Variants in KCNH5 observed in about 807,000 individuals in gnomAD.
KCNH5 encodes the protein voltage-gated delayed rectifier potassium channel KCNH5.
In KCNH5, 46 loss-of-function variants were observed where a neutral mutation model predicts 96.1. That is an observed-to-expected ratio of 0.48 (90% CI 0.38 to 0.61). KCNH5 has a LOEUF of 0.61. Ranked by LOEUF, KCNH5 falls within the 20% of genes least tolerant of loss-of-function variation. The pLI is 0.00. For synonymous variants in KCNH5, 439 were observed against 449.8 expected (o/e 0.98, Z 0.30); for missense variants, 907 against 1,225.8 (o/e 0.74, Z 3.88).
At chr14:62,901,966 G>A (rs1030813019) in intron 7 of KCNH5, among the ~76,000 whole-genome samples, 3 of 152,168 alleles carry the variant, frequency 2.0e-5, no homozygotes, top group Non-Finnish European at 4.4e-5. Context: ...GCATTTCTCT[G>A]ATGATCAGAG....
chr14:63,006,057 T>C (rs1891118807), intron 3 of KCNH5, among the ~76,000 whole-genome samples: 1 of 152,214 alleles, frequency 6.6e-6, no homozygotes, highest in African/African-American at 2.4e-5. Flanking sequence ...CATGTATCTG[T>C]CAATTTTAAT....
chr14:62,873,145 G>C (rs1471143389), intron 7 of KCNH5, among the ~76,000 whole-genome samples: 1 of 119,830 alleles, frequency 8.3e-6, no homozygotes, highest in Non-Finnish European at 1.8e-5. Context: ...ACGAGACTCT[G>C]ACTCAAAAAA....
chr14:62,900,776 A>C (rs750084472), intron 7 of KCNH5, among the ~76,000 whole-genome samples: 4 of 152,268 alleles, frequency 2.6e-5, no homozygotes, highest in Non-Finnish European at 5.9e-5. Context: ...CAAAACTAAA[A>C]GTTTTTGAAA....
intron 7 of KCNH5, among the ~76,000 whole-genome samples, chr14:62,853,464 T>TATATATATATATATATATATC (rs1555360155): frequency 8.1e-6 from 1 of 122,884 alleles, no homozygotes; most frequent in African/African-American, 3.2e-5. Context: ...ATCATATATA[T>TATATATATATATATATATATC]ATATATATAT....
chr14:62,926,248 T>C (rs1230399893), intron 7 of KCNH5, among the ~76,000 whole-genome samples: 1 of 152,134 alleles, frequency 6.6e-6, no homozygotes, highest in Non-Finnish European at 1.5e-5. Flanking sequence ...ACCTTCGTAG[T>C]TGCTCTGATA....
chr14:62,958,635 CT>C (rs1890150552), intron 6 of KCNH5, among the ~76,000 whole-genome samples: 1 of 152,008 alleles, frequency 6.6e-6, no homozygotes, highest in Non-Finnish European at 1.5e-5. Flanking sequence ...TACCTTTTTT[CT>C]TATATAATCC....
In KCNH5 at chr14:62,907,196, G is replaced by A. The variant is rs1395917638; in HGVS notation, c.1369+42937C>T. On this transcript the variant is annotated intron_variant, in intron 7 of 10. Coordinates refer to ENST00000322893, the MANE Select transcript of KCNH5 (RefSeq NM_139318.5). ...TATCCAGGATGTTGGCTTGGATGTG[G>A]AATCTCAGAGAAACTAGACAGATCA... Among the ~76,000 whole-genome samples, 3 of 152,082 alleles carry A rather than the reference G, an allele frequency of 2.0e-5. No homozygotes were observed. The East Asian group carries it at 5.8e-4, about 29-fold the overall frequency.
chr14:62,954,687 T>C (rs1450544502), intron 6 of KCNH5, among the ~76,000 whole-genome samples: 2 of 152,154 alleles, frequency 1.3e-5, no homozygotes, highest in Non-Finnish European at 2.9e-5. Flanking sequence ...ATTACTCCAT[T>C]TTCATGCTGC....
chr14:62,788,934 T>G (rs2139986096), intron 9 of KCNH5, among the ~76,000 whole-genome samples: 1 of 152,246 alleles, frequency 6.6e-6, no homozygotes, highest in Non-Finnish European at 1.5e-5. Context: ...TTGGCTCTAT[T>G]ATGGTGGTCT....
At chr14:62,797,537 T>C (rs926522102) in intron 9 of KCNH5, among the ~76,000 whole-genome samples, 1 of 152,198 alleles carries the variant, frequency 6.6e-6, no homozygotes, top group Non-Finnish European at 1.5e-5. Context: ...ATTTGACTTC[T>C]AACAGCAAGT....
chr14:62,948,097 G>C (rs11850972), intron 7 of KCNH5, among the ~76,000 whole-genome samples: 2 of 151,722 alleles, frequency 1.3e-5, no homozygotes, highest in East Asian at 1.9e-4. Context: ...TTGTTCTTGC[G>C]ATAGTTTACT....
chr14:62,946,456 A>G (rs1889888421), intron 7 of KCNH5, among the ~76,000 whole-genome samples: 1 of 152,022 alleles, frequency 6.6e-6, no homozygotes, highest in Admixed American at 6.6e-5. Flanking sequence ...CTAAGAACTA[A>G]TGTCCATATT....
intron 6 of KCNH5, among the ~76,000 whole-genome samples, chr14:62,979,626 G>T (rs35331121): frequency 1.3e-5 from 2 of 151,824 alleles, no homozygotes; most frequent in Non-Finnish European, 2.9e-5. Flanking sequence ...GAACATCTTA[G>T]GATAATTAAG....
Position 62,913,107 on chromosome 14 carries a change from T to A in KCNH5, c.1369+37026A>T, listed in dbSNP as rs377396135. ...AGTCAAAATGTATGGGGTAAGTTAG[T>A]GATTTGTCAAGATTAATGAAGCTGC... On this transcript the variant is annotated intron_variant, in intron 7 of 10. Transcript: ENST00000322893. Among the ~76,000 whole-genome samples, 31 of 152,376 alleles carry A rather than the reference T, an allele frequency of 2.0e-4. No individual in the cohort carries two copies. The South Asian group carries it at 6.0e-3, about 29-fold the overall frequency.
chr14:62,730,019 T>C (rs1226653322), intron 10 of KCNH5, among the ~76,000 whole-genome samples: 1 of 152,228 alleles, frequency 6.6e-6, no homozygotes, highest in African/African-American at 2.4e-5. Context: ...TTGATTTTAG[T>C]AGTGGTCATT....
chr14:62,867,201 C>G (rs8006132), intron 7 of KCNH5, among the ~76,000 whole-genome samples: 4,739 of 152,200 alleles, frequency 0.031, 254 homozygotes, highest in African/African-American at 0.11. Context: ...TGGGAGGCTG[C>G]AAAAGGTAGA....
At chr14:62,740,525 C>T (rs758492117) in intron 10 of KCNH5, among the ~76,000 whole-genome samples, 2 of 152,114 alleles carry the variant, frequency 1.3e-5, no homozygotes, top group South Asian at 2.1e-4. Context: ...CACGGCACTC[C>T]GAAAAACTTC....
intron 7 of KCNH5, among the ~76,000 whole-genome samples, chr14:62,936,312 G>C (rs774115470): frequency 8.5e-5 from 13 of 152,128 alleles, no homozygotes; most frequent in Admixed American, 2.6e-4. Flanking sequence ...GGATTAAAAA[G>C]ACATGAGCAT....
intron 4 of KCNH5, among the ~76,000 whole-genome samples, chr14:62,993,007 G>A (rs1407858606): frequency 6.6e-6 from 1 of 151,900 alleles, no homozygotes; most frequent in Non-Finnish European, 1.5e-5. Context: ...GAGATAGGGG[G>A]GTCCTGTTTC....
Sources: gnomAD v4.1 joint callset for allele counts (sites outside exome capture counted in the v4.1 genomes callset) on GRCh38, gnomAD v4.1.1 for gene constraint, MANE v1.5 for transcripts, NCBI Gene and HGNC (gene_info 2026-07-23, HGNC 2026-07-21) for gene names.